Variants in MAML2 observed in about 807,000 individuals in gnomAD.
The protein encoded by MAML2 is mastermind like transcriptional coactivator 2, also known as mastermind-like protein 2.
In MAML2, 22 loss-of-function variants were observed where a neutral mutation model predicts 96.1. That is an observed-to-expected ratio of 0.23 (90% CI 0.16 to 0.33). The LOEUF (loss-of-function observed/expected upper bound fraction) is 0.33. Among genes scored for constraint, MAML2 ranks in the 10% least tolerant of loss-of-function variants. The pLI is 1.00. For synonymous variants in MAML2, 561 were observed against 521.3 expected, an observed-to-expected ratio of 1.08 and a Z score of -1.04; for missense variants, 1,367 against 1,392.4, an observed-to-expected ratio of 0.98 and a Z score of 0.29.
At chr11:96,151,071 A>C (rs974948135) in intron 1 of MAML2, among the ~76,000 whole-genome samples, 1 of 152,228 alleles carries the variant, frequency 6.6e-6, no homozygotes, top group Admixed American at 6.5e-5. Context: ...ATCATTGCTG[A>C]AACACAAAAC....
chr11:96,251,888 C>A (rs568525599), intron 1 of MAML2, among the ~76,000 whole-genome samples: 1 of 151,950 alleles, frequency 6.6e-6, no homozygotes, highest in Non-Finnish European at 1.5e-5. Context: ...CCGGCCACCA[C>A]GCACAGCTAA....
At chr11:96,246,420 G>T (rs1479999070) in intron 1 of MAML2, among the ~76,000 whole-genome samples, 1 of 152,096 alleles carries the variant, frequency 6.6e-6, no homozygotes, top group Non-Finnish European at 1.5e-5. Context: ...CATACAAAAT[G>T]CTATGGAAGC....
intron 1 of MAML2, among the ~76,000 whole-genome samples, chr11:96,264,287 A>G (rs1702173880): frequency 6.6e-6 from 1 of 152,194 alleles, no homozygotes; most frequent in African/African-American, 2.4e-5. Flanking sequence ...TTCGTTTTTT[A>G]TAAGGCCCAG....
At position 95,977,507 on chromosome 11, in the gene MAML2, T is replaced by G. The variant is rs1412988440; in HGVS notation, c.*1441A>C. On this transcript the variant is annotated 3_prime_UTR_variant, in exon 5 of 5. Coordinates refer to ENST00000524717, the MANE Select transcript of MAML2 (RefSeq NM_032427.4). ...ACTTCAGCTAAATTACATTTGATATTTGAATATGTGAGCATAGAACTGAAA... is the reference window on the plus strand; with the variant it reads ...ACTTCAGCTAAATTACATTTGATATGTGAATATGTGAGCATAGAACTGAAA... The G allele has an allele frequency of 5.1e-6, 1 of 196,854 alleles. No individual in the cohort carries two copies. Among genetic ancestry groups the G allele is most frequent in the African/African-American group, 2.3e-5 (1 of 43,382 alleles). The allele number at this position is 196,854 out of a possible 1,614,324, so 12.2% of individuals were successfully genotyped here.
intron 1 of MAML2, among the ~76,000 whole-genome samples, chr11:96,299,353 G>T (rs1863354628): frequency 6.6e-6 from 1 of 151,342 alleles, no homozygotes; most frequent in African/African-American, 2.4e-5. Flanking sequence ...AATACAGTTG[G>T]CAAGCAGAAG....
intron 1 of MAML2, among the ~76,000 whole-genome samples, chr11:96,221,071 A>G (rs1293956672): frequency 1.3e-5 from 2 of 152,224 alleles, no homozygotes; most frequent in Non-Finnish European, 2.9e-5. Flanking sequence ...ATGTATTACT[A>G]TAAAATAAGT....
chr11:96,236,037 G>A lies in MAML2; in HGVS notation c.513+105346C>T, dbSNP rs1028810818. ...AAGTGAGTGCTCTACCTCCTCTGTC[G>A]CTCTGGGACCCTGAGGGAAATGACA... On this transcript the variant is annotated intron_variant, in intron 1 of 4. Coordinates refer to ENST00000524717, the MANE Select transcript of MAML2 (RefSeq NM_032427.4). 3.3e-5 allele frequency among the ~76,000 whole-genome samples: 5 copies of A among 152,248 alleles called. No individual in the cohort carries two copies. The East Asian group carries it at 5.8e-4, about 18-fold the overall frequency.
At chr11:96,216,590 G>A (rs937359576) in intron 1 of MAML2, among the ~76,000 whole-genome samples, 2 of 152,106 alleles carry the variant, frequency 1.3e-5, no homozygotes, top group African/African-American at 4.8e-5. Flanking sequence ...TCCAGGCCAT[G>A]GTGCACTCCA....
At chr11:96,086,909 T>C (rs908934634) in intron 2 of MAML2, among the ~76,000 whole-genome samples, 1 of 152,174 alleles carries the variant, frequency 6.6e-6, no homozygotes, top group Admixed American at 6.5e-5. Context: ...GAGGTGGTGA[T>C]TTTGCCTGGG....
intron 1 of MAML2, among the ~76,000 whole-genome samples, chr11:96,273,323 C>A (rs764248698): frequency 3.9e-5 from 6 of 152,082 alleles, no homozygotes; most frequent in Admixed American, 6.5e-5. Context: ...TCTCTTGAAA[C>A]GTATTTTTTT....
chr11:96,297,334 G>A (rs1305264659), intron 1 of MAML2, among the ~76,000 whole-genome samples: 2 of 152,094 alleles, frequency 1.3e-5, no homozygotes, highest in African/African-American at 2.4e-5. Flanking sequence ...CAGCACTTTG[G>A]GAAACCAAGG....
chr11:96,109,294 C>T (rs990984626), intron 1 of MAML2, among the ~76,000 whole-genome samples: 2 of 152,070 alleles, frequency 1.3e-5, no homozygotes, highest in Admixed American at 1.3e-4. Flanking sequence ...GGCTTTGACG[C>T]CATGCAGAGG....
intron 1 of MAML2, among the ~76,000 whole-genome samples, chr11:96,279,571 G>T (rs1355704858): frequency 6.6e-6 from 1 of 152,236 alleles, no homozygotes; most frequent in East Asian, 1.9e-4. Flanking sequence ...TCAGAGATTA[G>T]CCAAGAACTA....
chr11:95,985,853 C>T (rs1215793450), intron 3 of MAML2, among the ~76,000 whole-genome samples: 2 of 152,076 alleles, frequency 1.3e-5, no homozygotes, highest in Non-Finnish European at 2.9e-5. Flanking sequence ...TCTACTTTTC[C>T]ATAACAGTCA....
chr11:96,009,604 C>T (rs764355542), intron 2 of MAML2, among the ~76,000 whole-genome samples: 16 of 152,188 alleles, frequency 1.1e-4, no homozygotes, highest in African/African-American at 3.1e-4. Flanking sequence ...GTACTTACTA[C>T]TCTACTGCAC....
At chr11:96,160,257 T>C (rs2135888031) in intron 1 of MAML2, among the ~76,000 whole-genome samples, 1 of 152,306 alleles carries the variant, frequency 6.6e-6, no homozygotes, top group Admixed American at 6.5e-5. Context: ...AATGCACTCT[T>C]CAGGTTGCCT....
intron 1 of MAML2, among the ~76,000 whole-genome samples, chr11:96,271,030 C>T (rs1565268602): frequency 6.6e-6 from 1 of 152,302 alleles, no homozygotes; most frequent in East Asian, 1.9e-4. Context: ...CCTCGAACAT[C>T]AGACTCCAAA....
chr11:96,156,894 T>A (rs992224259), intron 1 of MAML2, among the ~76,000 whole-genome samples: 4 of 152,160 alleles, frequency 2.6e-5, no homozygotes, highest in Non-Finnish European at 5.9e-5. Flanking sequence ...CACAGCAGAA[T>A]CCTAAACTCG....
intron 1 of MAML2, among the ~76,000 whole-genome samples, chr11:96,282,451 A>G (rs1479712683): frequency 6.6e-6 from 1 of 152,190 alleles, no homozygotes; most frequent in East Asian, 1.9e-4. Flanking sequence ...TGAGTAGAAC[A>G]AAGTATGCTG....
Sources: allele counts gnomAD v4.1 joint callset (sites outside exome capture counted in the v4.1 genomes callset), GRCh38; gene constraint gnomAD v4.1.1; transcripts MANE v1.5; gene names NCBI Gene and HGNC (gene_info 2026-07-23, HGNC 2026-07-21).